The following KLF17 variants were observed in gnomAD, a reference collection of about 807,000 sequenced individuals.
KLF17 encodes the protein Krueppel-like factor 17.
Under a neutral mutation model 34.2 loss-of-function variants are expected in KLF17, and 31 were observed. The ratio of observed to expected loss-of-function variants is 0.91; its 90% CI spans 0.68 to 1.22. The LOEUF (loss-of-function observed/expected upper bound fraction) is 1.22, where lower values mean the gene tolerates loss of function less well. Ranked by LOEUF, KLF17 falls within the 50% of genes most tolerant of loss-of-function variation. KLF17 has a pLI of 0.00. For missense variants in KLF17, 478 were observed against 505.2 expected, an observed-to-expected ratio of 0.95 and a Z score of 0.52; for synonymous variants, 179 against 186.7, an observed-to-expected ratio of 0.96 and a Z score of 0.34.
In KLF17 at chr1:44,129,648, T is replaced by C. The variant is rs1421653568; in HGVS notation, c.377T>C (p.Ile126Thr). The C allele has an allele frequency of 6.2e-7, 1 of 1,614,052 alleles. No individual in the cohort carries two copies. Among genetic ancestry groups the C allele is most frequent in the African/African-American group, 1.3e-5 (1 of 74,916 alleles). Residue 126 changes from isoleucine to threonine, a missense_variant, in exon 2 of 4, where the codon ATT becomes ACT. By Grantham distance (89) the Ile-to-Thr change is moderately conservative. Coordinates refer to ENST00000372299, the MANE Select transcript of KLF17 (RefSeq NM_173484.4). ...TCTCCCCCTCAGCAAGAGATGACGATTTTCAGTGGGCCCCAACTAATGCCC... is the reference window on the plus strand; with the variant it reads ...TCTCCCCCTCAGCAAGAGATGACGACTTTCAGTGGGCCCCAACTAATGCCC... ...RMSPPQQEMTIFSGPQLMPVG... is the reference protein window; with the variant it reads ...RMSPPQQEMTTFSGPQLMPVG...
At chr1:44,094,626 C>A in the KLF17 span, among the ~76,000 whole-genome samples, 8 of 152,198 alleles carry the variant, frequency 5.3e-5, no homozygotes, top group South Asian at 1.5e-3. Flanking sequence ...GTTTTTAGCA[C>A]CTTTGTCAAA....
At chr1:44,059,870 G>T in the KLF17 span, among the ~76,000 whole-genome samples, 2 of 151,948 alleles carry the variant, frequency 1.3e-5, no homozygotes, top group Non-Finnish European at 2.9e-5. Flanking sequence ...ACCATATATG[G>T]TGCCTTCTCC....
At chr1:44,054,870 C>A in the KLF17 span, among the ~76,000 whole-genome samples, 3 of 150,644 alleles carry the variant, frequency 2.0e-5, no homozygotes, top group South Asian at 6.3e-4. Flanking sequence ...ACCTCTGCCT[C>A]CTGGGTTCAA....
upstream of KLF17, among the ~76,000 whole-genome samples, chr1:44,118,209 C>T (rs1174590416): frequency 6.6e-6 from 1 of 152,210 alleles, no homozygotes; most frequent in African/African-American, 2.4e-5. Context: ...CATTTCTTGT[C>T]TTCCCGTATA....
chr1:44,069,512 G>GAGAGGGA, the KLF17 span, among the ~76,000 whole-genome samples: 11 of 114,548 alleles, frequency 9.6e-5, no homozygotes, highest in African/African-American at 4.5e-4. This position sits in a 1 kb window ranked among gnomAD's most constrained non-coding sequence, Gnocchi z 4.7. Flanking sequence ...GAGAGAGAGA[G>GAGAGGGA]AAGACAGGAG....
the KLF17 span, among the ~76,000 whole-genome samples, chr1:44,073,466 A>G: frequency 7.2e-5 from 11 of 152,040 alleles, no homozygotes; most frequent in Non-Finnish European, 1.3e-4. Flanking sequence ...TCGGCCTCCC[A>G]AAGTGCTGGG....
the KLF17 span, among the ~76,000 whole-genome samples, chr1:44,062,580 G>C: frequency 6.6e-6 from 1 of 151,008 alleles, no homozygotes; most frequent in East Asian, 1.9e-4. Context: ...AAAAAGCCAC[G>C]TGTAGTGGTG....
intron 1 of KLF17, among the ~76,000 whole-genome samples, chr1:44,119,936 A>C (rs983266123): frequency 6.6e-6 from 1 of 152,248 alleles, no homozygotes; most frequent in African/African-American, 2.4e-5. Context: ...GTGATAATCC[A>C]GGTGAGAATT....
At chr1:44,052,738 A>G in the KLF17 span, among the ~76,000 whole-genome samples, 2 of 152,204 alleles carry the variant, frequency 1.3e-5, no homozygotes, top group African/African-American at 4.8e-5. Context: ...CTTACTAGAC[A>G]TGGGGCAGCA....
At chr1:44,098,560 TTTTTTTC>T in the KLF17 span, among the ~76,000 whole-genome samples, 3 of 123,782 alleles carry the variant, frequency 2.4e-5, no homozygotes, top group Admixed American at 8.3e-5. Context: ...TTTTTTTTTT[TTTTTTTC>T]TGAGACTGAG....
At position 44,125,335 on chromosome 1, in the gene KLF17, A is replaced by G. The variant is rs2087995263; in HGVS notation, c.82-4018A>G. Reference sequence around the variant, plus strand: ...GGTTAATAGTTATTTTTCCTTTAGTACTTTGAATATATCAACCCATGGTCT... The same window carrying G: ...GGTTAATAGTTATTTTTCCTTTAGTGCTTTGAATATATCAACCCATGGTCT... On this transcript the variant is annotated intron_variant, in intron 1 of 3. Coordinates refer to ENST00000372299, the MANE Select transcript of KLF17 (RefSeq NM_173484.4). Among the ~76,000 whole-genome samples, 3 of 152,176 alleles carry G rather than the reference A, an allele frequency of 2.0e-5. No homozygotes were observed. In the South Asian group the frequency reaches 6.2e-4, roughly 32 times the overall value.
the KLF17 span, among the ~76,000 whole-genome samples, chr1:44,047,208 T>A: frequency 2.0e-5 from 3 of 152,238 alleles, no homozygotes; most frequent in Admixed American, 6.5e-5. Flanking sequence ...TAAGCTTTGG[T>A]CATAGAAATG....
the KLF17 span, among the ~76,000 whole-genome samples, chr1:44,109,785 A>G: frequency 6.6e-6 from 1 of 151,996 alleles, no homozygotes; most frequent in African/African-American, 2.4e-5. Context: ...GAGAACTGGG[A>G]GGTAGGGCAT....
At chr1:44,127,675 T>A (rs2429052) in intron 1 of KLF17, among the ~76,000 whole-genome samples, 1 of 46,488 alleles carries the variant, frequency 2.2e-5, no homozygotes, top group Non-Finnish European at 4.6e-5. Context: ...TCTTTCTTTC[T>A]TTCTTTCTTT....
At chr1:44,060,573 A>G in the KLF17 span, among the ~76,000 whole-genome samples, 9 of 152,292 alleles carry the variant, frequency 5.9e-5, no homozygotes, top group South Asian at 1.9e-3. Context: ...ACCAGAAGTA[A>G]GTGAGCAATT....
At chr1:44,085,352 T>C in the KLF17 span, among the ~76,000 whole-genome samples, 1 of 151,998 alleles carries the variant, frequency 6.6e-6, no homozygotes, top group African/African-American at 2.4e-5. Context: ...CAGAAGAGGA[T>C]TGCAATTTTC....
At chr1:44,056,944 C>G in the KLF17 span, among the ~76,000 whole-genome samples, 8 of 151,964 alleles carry the variant, frequency 5.3e-5, no homozygotes, top group South Asian at 1.7e-3. Context: ...TAAAGTATAT[C>G]AAGTTTTAAA....
the KLF17 span, among the ~76,000 whole-genome samples, chr1:44,085,128 G>A: frequency 1.5e-3 from 222 of 151,764 alleles, 1 homozygote; most frequent in African/African-American, 5.2e-3. Context: ...ATATGTGTGT[G>A]TATATATATG....
At chr1:44,058,108 A>G in the KLF17 span, among the ~76,000 whole-genome samples, 17 of 152,210 alleles carry the variant, frequency 1.1e-4, no homozygotes, top group Non-Finnish European at 4.4e-5. Flanking sequence ...GGACCCTCCT[A>G]CAGCTAAAGT....
Sources: gnomAD v4.1 joint callset for allele counts (sites outside exome capture counted in the v4.1 genomes callset) on GRCh38, gnomAD v4.1.1 for gene constraint, Gnocchi (gnomAD v3.1) non-coding constraint, MANE v1.5 for transcripts, NCBI Gene and HGNC (gene_info 2026-07-23, HGNC 2026-07-21) for gene names.